Variants in GPHN observed in about 807,000 individuals in gnomAD.
GPHN encodes the protein gephyrin.
A neutral mutation model predicts 95.5 loss-of-function variants in GPHN; 17 were observed. The ratio of observed to expected loss-of-function variants is 0.18; its 90% confidence interval spans 0.12 to 0.27. GPHN has a LOEUF of 0.27. GPHN is among the 10% of genes least tolerant of loss of function. GPHN has a pLI of 1.00. For missense variants in GPHN, 660 were observed against 978.1 expected (o/e 0.67, Z 4.34); for synonymous variants, 320 against 322.5 (o/e 0.99, Z 0.08).
chr14:66,724,985 TGTCTG>T (rs1241585487), intron 2 of GPHN, among the ~76,000 whole-genome samples: 1 of 152,182 alleles, frequency 6.6e-6, no homozygotes, highest in Non-Finnish European at 1.5e-5. Context: ...AGTGTGACTG[TGTCTG>T]GTCTTTAGGA....
chr14:66,667,754 A>C (rs1261013281), intron 1 of GPHN, among the ~76,000 whole-genome samples: 1 of 152,228 alleles, frequency 6.6e-6, no homozygotes, highest in Non-Finnish European at 1.5e-5. Flanking sequence ...CAAAGATTTC[A>C]TGACAAAAGT....
chr14:67,538,543 G>A, the GPHN span, among the ~76,000 whole-genome samples: 1 of 152,206 alleles, frequency 6.6e-6, no homozygotes, highest in Non-Finnish European at 1.5e-5. Context: ...CTTAGCAGGT[G>A]AGGCTCAGCT....
At chr14:67,094,227 T>A (rs1201333570) in intron 12 of GPHN, among the ~76,000 whole-genome samples, 1 of 152,136 alleles carries the variant, frequency 6.6e-6, no homozygotes, top group African/African-American at 2.4e-5. Flanking sequence ...TATCTAGTGT[T>A]ATCAATTTCA....
chr14:66,833,859 C>G (rs2061682271), intron 4 of GPHN, among the ~76,000 whole-genome samples: 1 of 152,014 alleles, frequency 6.6e-6, no homozygotes, highest in African/African-American at 2.4e-5. Flanking sequence ...TTTGTCAGTG[C>G]TATATCTTAA....
the GPHN span, chr14:67,294,680 T>C: frequency 6.7e-6 from 1 of 148,588 alleles, no homozygotes; most frequent in East Asian, 1.9e-4. Flanking sequence ...TTATAGTGCT[T>C]TTTTTTTTTT....
intron 2 of GPHN, among the ~76,000 whole-genome samples, chr14:66,756,675 G>A (rs1340507441): frequency 1.3e-5 from 2 of 152,210 alleles, no homozygotes; most frequent in Non-Finnish European, 2.9e-5. Context: ...CATTAACTTT[G>A]TACCATATAC....
At chr14:66,935,087 T>A (rs2067041613) in intron 8 of GPHN, among the ~76,000 whole-genome samples, 1 of 152,112 alleles carries the variant, frequency 6.6e-6, no homozygotes, top group South Asian at 2.1e-4. Context: ...ATAAAATAAA[T>A]GAAGATATTT....
chr14:66,718,012 A>T (rs941024993), intron 2 of GPHN, among the ~76,000 whole-genome samples: 3 of 152,138 alleles, frequency 2.0e-5, no homozygotes, highest in Admixed American at 2.0e-4. Context: ...CTTTCCAGAG[A>T]GTATCAGCTG....
chr14:66,575,755 G>T (rs1021681276), intron 1 of GPHN, among the ~76,000 whole-genome samples: 1 of 152,120 alleles, frequency 6.6e-6, no homozygotes, highest in Non-Finnish European at 1.5e-5. Context: ...ATTTGTAGGG[G>T]CATGGAACCT....
the GPHN span, among the ~76,000 whole-genome samples, chr14:67,457,846 T>C: frequency 6.6e-6 from 1 of 152,176 alleles, no homozygotes; most frequent in African/African-American, 2.4e-5. Flanking sequence ...GGCTGTTGTC[T>C]CTTATTAGTA....
intron 17 of GPHN, among the ~76,000 whole-genome samples, chr14:67,142,159 C>T (rs1025106336): frequency 2.6e-5 from 4 of 152,118 alleles, no homozygotes; most frequent in Admixed American, 2.6e-4. Flanking sequence ...AAGGAAGAGT[C>T]AGGCGGTATA....
At chr14:66,706,423 C>A (rs776108204) in intron 2 of GPHN, among the ~76,000 whole-genome samples, 1 of 152,110 alleles carries the variant, frequency 6.6e-6, no homozygotes, top group Non-Finnish European at 1.5e-5. Flanking sequence ...TACTACAAGG[C>A]TACAATAATC....
the GPHN span, among the ~76,000 whole-genome samples, chr14:67,597,828 G>C: frequency 3.9e-5 from 6 of 152,010 alleles, no homozygotes; most frequent in Non-Finnish European, 8.8e-5. Flanking sequence ...GATTTAATTG[G>C]TGTAGGGGAA....
chr14:67,400,690 G>A, the GPHN span, among the ~76,000 whole-genome samples: 4 of 151,846 alleles, frequency 2.6e-5, no homozygotes, highest in African/African-American at 9.7e-5. Context: ...TAGAGGAGAG[G>A]GCAAAAGAAT....
intron 9 of GPHN, among the ~76,000 whole-genome samples, chr14:67,008,536 A>T (rs948826531): frequency 4.0e-5 from 6 of 149,538 alleles, no homozygotes; most frequent in African/African-American, 7.3e-5. Context: ...ATCTTTTTTT[A>T]AAATTTATTT....
chr14:66,554,252 C>T (rs1175352725), intron 1 of GPHN, among the ~76,000 whole-genome samples: 2 of 152,148 alleles, frequency 1.3e-5, no homozygotes, highest in African/African-American at 2.4e-5. Context: ...TTCTATAGAA[C>T]AACAGCCAGT....
At chr14:66,586,823 C>G (rs2061439784) in intron 1 of GPHN, among the ~76,000 whole-genome samples, 1 of 151,984 alleles carries the variant, frequency 6.6e-6, no homozygotes, top group African/African-American at 2.4e-5. Flanking sequence ...CTAAAACAGT[C>G]TAATGCTGAA....
At chr14:67,674,313 G>A in the GPHN span, 73 of 1,416,168 alleles carry the variant, frequency 5.2e-5, no homozygotes, top group South Asian at 6.5e-5. Context: ...GAAGGTGGGA[G>A]AATCTTCCTT....
chr14:66,590,718 C>A (rs182435435), intron 1 of GPHN, among the ~76,000 whole-genome samples: 18 of 152,190 alleles, frequency 1.2e-4, no homozygotes, highest in African/African-American at 4.3e-4. Flanking sequence ...CAAATTCTAC[C>A]AGAAGTACAA....
Sources: gnomAD v4.1 joint callset for allele counts (sites outside exome capture counted in the v4.1 genomes callset) on GRCh38, gnomAD v4.1.1 for gene constraint, MANE v1.5 for transcripts, NCBI Gene and HGNC (gene_info 2026-07-23, HGNC 2026-07-21) for gene names.